SAMD5: variants seen among roughly 807,000 people sequenced by gnomAD.
SAMD5 encodes the protein sterile alpha motif domain containing 5, also known as sterile alpha motif domain-containing protein 5.
Under a neutral mutation model 11.3 loss-of-function variants are expected in SAMD5, and 13 were observed. The observed-to-expected ratio is 1.15, with a 90% CI of 0.75 to 1.83. The LOEUF (loss-of-function observed/expected upper bound fraction) is 1.83, where lower values mean the gene tolerates loss of function less well. SAMD5 is among the 40% of genes most tolerant of loss of function. SAMD5 has a pLI of 0.00. For synonymous variants in SAMD5, 129 were observed against 111.3 expected, an observed-to-expected ratio of 1.16 and a Z score of -1.00; for missense variants, 255 against 239.1, an observed-to-expected ratio of 1.07 and a Z score of -0.44.
At chr6:147,867,289 T>G in the SAMD5 span, among the ~76,000 whole-genome samples, 10 of 151,582 alleles carry the variant, frequency 6.6e-5, no homozygotes, top group South Asian at 4.2e-4. Context: ...GTTTTTTTTT[T>G]TTTTTTTTTT....
chr6:147,530,768 T>C (rs946565447), intron 1 of SAMD5, among the ~76,000 whole-genome samples: 1 of 152,214 alleles, frequency 6.6e-6, no homozygotes, highest in Non-Finnish European at 1.5e-5. Context: ...GACCAGGCCG[T>C]GGTTCCCAAA....
rs147414904 is a variant in SAMD5 at position 147,610,955 on chromosome 6, C to T, written c.162+101568C>T. 6.3e-4 allele frequency among the ~76,000 whole-genome samples: 96 copies of T among 151,616 alleles called. 1 individual carries two copies. In the East Asian group the frequency reaches 0.016, roughly 25 times the overall value. ...TGTGATCTCAGCTTACTGCAACCTC[C>T]GCCTCCCGAGTTCAAGCTATTCTCC... On this transcript the variant is annotated intron_variant, in intron 1 of 1. Coordinates refer to the SAMD5 transcript ENST00000566741.
the SAMD5 span, among the ~76,000 whole-genome samples, chr6:147,748,126 A>T: frequency 6.6e-6 from 1 of 152,236 alleles, no homozygotes; most frequent in African/African-American, 2.4e-5. Flanking sequence ...TCACCTTGGT[A>T]AGTGTTCAAA....
the SAMD5 span, among the ~76,000 whole-genome samples, chr6:147,813,359 C>G: frequency 6.6e-6 from 1 of 152,114 alleles, no homozygotes; most frequent in Non-Finnish European, 1.5e-5. Flanking sequence ...TTCTAGATAC[C>G]CAGACTGGTT....
the SAMD5 span, among the ~76,000 whole-genome samples, chr6:147,863,063 A>G: frequency 5.3e-5 from 8 of 152,252 alleles, no homozygotes; most frequent in South Asian, 1.7e-3. Context: ...ATATTTTTAA[A>G]TGATTTCCCC....
the SAMD5 span, among the ~76,000 whole-genome samples, chr6:147,845,524 A>G: frequency 6.6e-6 from 1 of 152,178 alleles, no homozygotes; most frequent in Admixed American, 6.5e-5. Context: ...CTACATAAAG[A>G]ACTCTCAAAA....
At chr6:147,861,776 GGAAA>G in the SAMD5 span, among the ~76,000 whole-genome samples, 1 of 152,086 alleles carries the variant, frequency 6.6e-6, no homozygotes, top group African/African-American at 2.4e-5. Flanking sequence ...AAAGCCCAAG[GGAAA>G]ATATGCCAAA....
chr6:147,715,244 G>A (rs943076914), intron 1 of SAMD5, among the ~76,000 whole-genome samples: 4 of 152,302 alleles, frequency 2.6e-5, no homozygotes, highest in South Asian at 2.1e-4. Flanking sequence ...TCTCATGCCC[G>A]CCAAGAGTGA....
chr6:147,622,028 T>C lies in SAMD5; in HGVS notation c.162+112641T>C, dbSNP rs541115968. ...GGTGCCAGTAGATGAAGAGAGAAGA[T>C]GAAGAGTTTTGCCTGGGCTGTGCTT... On this transcript the variant is annotated intron_variant, in intron 1 of 1. Coordinates refer to the SAMD5 transcript ENST00000566741. Among the ~76,000 whole-genome samples, 3 of 152,000 alleles carry C rather than the reference T, an allele frequency of 2.0e-5. No individual in the cohort carries two copies. In the South Asian group the frequency reaches 6.3e-4, roughly 32 times the overall value.
chr6:147,877,209 A>C, the SAMD5 span, among the ~76,000 whole-genome samples: 1 of 152,154 alleles, frequency 6.6e-6, no homozygotes. Context: ...ATATTAACTA[A>C]ATATTAAATA....
the SAMD5 span, among the ~76,000 whole-genome samples, chr6:147,947,314 A>G: frequency 6.6e-6 from 1 of 152,162 alleles, no homozygotes; most frequent in Non-Finnish European, 1.5e-5. Context: ...AACTCCCTTT[A>G]GGCCATAAAT....
At chr6:147,799,245 C>G in the SAMD5 span, among the ~76,000 whole-genome samples, 1 of 151,902 alleles carries the variant, frequency 6.6e-6, no homozygotes, top group African/African-American at 2.4e-5. Flanking sequence ...CCTTCAGGAG[C>G]TCTTTTAGGG....
intron 1 of SAMD5, among the ~76,000 whole-genome samples, chr6:147,653,941 T>C (rs1790529382): frequency 6.6e-6 from 1 of 152,222 alleles, no homozygotes; most frequent in South Asian, 2.1e-4. Flanking sequence ...TTCATGCTTC[T>C]CCTATTCTTT....
chr6:147,588,615 C>T (rs1018906328), intron 1 of SAMD5, among the ~76,000 whole-genome samples: 8 of 151,786 alleles, frequency 5.3e-5, no homozygotes, highest in East Asian at 1.9e-4. Flanking sequence ...CATGAGCCAC[C>T]GCGCCCAGCC....
At chr6:147,735,467 G>T (rs1352532003) in intron 1 of SAMD5, among the ~76,000 whole-genome samples, 1 of 152,134 alleles carries the variant, frequency 6.6e-6, no homozygotes, top group Non-Finnish European at 1.5e-5. Flanking sequence ...CTAATGAATT[G>T]TAACTGTGAC....
chr6:147,551,440 C>G (rs889716505), intron 1 of SAMD5, among the ~76,000 whole-genome samples: 2 of 152,036 alleles, frequency 1.3e-5, no homozygotes, highest in East Asian at 3.9e-4. Context: ...TAATTAAGTT[C>G]TTGATTGTGA....
At chr6:147,748,976 C>T in the SAMD5 span, among the ~76,000 whole-genome samples, 1 of 152,122 alleles carries the variant, frequency 6.6e-6, no homozygotes, top group Non-Finnish European at 1.5e-5. Context: ...TTTATTGACT[C>T]TTGTTGATTT....
chr6:147,865,972 ACTT>A, the SAMD5 span, among the ~76,000 whole-genome samples: 1 of 152,204 alleles, frequency 6.6e-6, no homozygotes, highest in Non-Finnish European at 1.5e-5. Flanking sequence ...ACTGGCTTCT[ACTT>A]CTGGTTTTTG....
intron 1 of SAMD5, among the ~76,000 whole-genome samples, chr6:147,721,385 G>A (rs1226862867): frequency 3.3e-5 from 5 of 151,938 alleles, no homozygotes; most frequent in African/African-American, 9.7e-5. Flanking sequence ...TTTAATGATT[G>A]CCATTCTAAC....
Sources: allele counts gnomAD v4.1 joint callset (sites outside exome capture counted in the v4.1 genomes callset), GRCh38; gene constraint gnomAD v4.1.1; transcripts MANE v1.5; gene names NCBI Gene and HGNC (gene_info 2026-07-23, HGNC 2026-07-21).